The following GDF1 variants were observed in gnomAD, a reference collection of about 807,000 sequenced individuals.
The protein encoded by GDF1 is growth differentiation factor 1, also known as embryonic growth/differentiation factor 1.
In GDF1, 8 loss-of-function variants were observed where a neutral mutation model predicts 7.4. The observed-to-expected ratio is 1.09, with a 90% CI of 0.64 to 1.96. The LOEUF (loss-of-function observed/expected upper bound fraction) is 1.96, where lower values mean the gene tolerates loss of function less well. Ranked by LOEUF, GDF1 falls within the 30% of genes most tolerant of loss-of-function variation. The pLI is 0.00. For missense variants in GDF1, 574 were observed against 551.5 expected (o/e 1.04, Z -0.41); for synonymous variants, 311 against 276.7 (o/e 1.12, Z -1.23).
At chr19:18,885,912 C>G (rs1568302998) in intron 2 of GDF1, among the ~76,000 whole-genome samples, 1 of 152,198 alleles carries the variant, frequency 6.6e-6, no homozygotes, top group Non-Finnish European at 1.5e-5. Context: ...CCCACGGAGT[C>G]TTGCCATGCC....
In GDF1 at chr19:18,869,963, C is replaced by T. The variant is rs146219830; in HGVS notation, c.325+20G>A. The stretch of plus-strand genomic sequence containing the variant: ...GGTCTGGCCTCCAGGACCAGTGTCC[C>T]CAGCGAAAGCCCCACTCACCGCGGT... On this transcript the variant is annotated intron_variant, in intron 7 of 7. Coordinates refer to ENST00000247005, the MANE Select transcript of GDF1 (RefSeq NM_001492.6). 5.3e-3 allele frequency: 8,374 copies of T among 1,569,272 alleles called. 33 individuals are homozygous for T. Among genetic ancestry groups the T allele is most frequent in the Non-Finnish European group, 6.1e-3 (7,092 of 1,158,952 alleles).
chr19:18,880,439 G>T lies in GDF1; in HGVS notation c.-732-4C>A. ...AAGGATGCCCACATTGTGGTACCTG[G>T]GGGAGCAGCAGGCAGAGAGGAGAGG... On this transcript the variant is annotated splice_polypyrimidine_tract_variant and splice_region_variant and intron_variant, in intron 3 of 7. Transcript: ENST00000247005. 6.3e-7 allele frequency: 1 copy of T among 1,578,676 alleles called. No homozygotes were observed. The highest frequency in any genetic ancestry group is 1.2e-5 in the South Asian group (1 of 86,754).
chr19:18,886,268 G>C (rs1049703365), intron 2 of GDF1, among the ~76,000 whole-genome samples: 2 of 152,050 alleles, frequency 1.3e-5, no homozygotes, highest in African/African-American at 4.8e-5. Flanking sequence ...AATTAGCTGG[G>C]GCCGGGCGCA....
At chr19:18,886,864 CCA>C (rs1357058723) in intron 2 of GDF1, among the ~76,000 whole-genome samples, 5 of 152,200 alleles carry the variant, frequency 3.3e-5, no homozygotes, top group Non-Finnish European at 7.3e-5. Context: ...TTGGCCCATG[CCA>C]CCCCCACCCC....
intron 7 of GDF1, 98 bp from the exon 8 acceptor site, chr19:18,869,488 G>A (rs1017324676): frequency 1.4e-6 from 2 of 1,432,178 alleles, no homozygotes; most frequent in South Asian, 1.3e-5. Flanking sequence ...GCTGGGGCTC[G>A]GGGCGCACCG....
At chr19:18,869,833 G>C (rs1171346258) in intron 7 of GDF1, 150 bp downstream of exon 7, 2 of 729,832 alleles carry the variant, frequency 2.7e-6, no homozygotes, top group African/African-American at 1.7e-5. Context: ...GACGAGGAAA[G>C]GGTGAGGTGC....
Position 18,869,070 on chromosome 19 carries a change from C to A in GDF1, c.646G>T (p.Ala216Ser). 9.4e-7 allele frequency: 1 copy of A among 1,059,448 alleles called. No homozygotes were observed. The highest frequency in any genetic ancestry group is 1.1e-6 in the Non-Finnish European group (1 of 878,510). The allele number at this position is 1,059,448 out of a possible 1,614,324, so 65.6% of individuals were successfully genotyped here. A position where few individuals can be genotyped will look rare whatever the true frequency, so the allele number is the denominator to read the frequency against. Residue 216 changes from alanine (A) to serine (S), a missense_variant, in exon 8 of 8, where the codon GCG becomes TCG. Ala to Ser is a moderately conservative substitution (Grantham distance 99). Transcript: ENST00000247005. ...GGGGCCCGGGGGCGTAGCGCCAGCG[C>A]CAGGCGGAGGCTGCGCGGCCATGAG... ...NASWPRSLRL[A>S]LALRPRAPAA...
intron 2 of GDF1, among the ~76,000 whole-genome samples, chr19:18,888,554 G>T (rs1346727004): frequency 7.0e-6 from 1 of 143,682 alleles, no homozygotes; most frequent in Non-Finnish European, 1.5e-5. Context: ...AAACAGGCTA[G>T]GTGCGGTGGC....
chr19:18,890,338 G>A (rs531980499), intron 2 of GDF1, among the ~76,000 whole-genome samples: 1 of 152,306 alleles, frequency 6.6e-6, no homozygotes, highest in Admixed American at 6.5e-5. Context: ...GTACTGCACC[G>A]TCTGTTGCCC....
At chr19:18,887,960 A>G (rs1003623900) in intron 2 of GDF1, among the ~76,000 whole-genome samples, 17 of 151,708 alleles carry the variant, frequency 1.1e-4, no homozygotes, top group Admixed American at 5.3e-4. Context: ...TTCTGTCTCT[A>G]TGAGTGGGAT....
Position 18,880,434 on chromosome 19 carries a change from A to G in GDF1, c.-731T>C. 1 of 1,580,692 alleles carries G rather than the reference A, an allele frequency of 6.3e-7. No individual in the cohort carries two copies. Among genetic ancestry groups the G allele is most frequent in the East Asian group, 2.3e-5 (1 of 43,698 alleles). On this transcript the variant is annotated splice_region_variant and 5_prime_UTR_variant, in exon 4 of 8. Transcript: ENST00000247005. ...AGCACAAGGATGCCCACATTGTGGT[A>G]CCTGGGGGAGCAGCAGGCAGAGAGG... is the stretch of plus-strand genomic sequence containing the variant.
intron 6 of GDF1, among the ~76,000 whole-genome samples, chr19:18,873,351 A>AAGGAGGCCAGCC (rs1294124874): frequency 2.6e-5 from 4 of 151,672 alleles, no homozygotes; most frequent in Non-Finnish European, 5.9e-5. Flanking sequence ...CCCAGAAGAG[A>AAGGAGGCCAGCC]AGGAGGCCAG....
chr19:18,894,342 G>A (rs1399717834), intron 1 of GDF1, among the ~76,000 whole-genome samples: 2 of 152,032 alleles, frequency 1.3e-5, no homozygotes, highest in Non-Finnish European at 2.9e-5. Context: ...TGAGGGGGCC[G>A]GAGCCCAGAG....
intron 6 of GDF1, among the ~76,000 whole-genome samples, chr19:18,877,188 A>G (rs1237048587): frequency 6.6e-6 from 1 of 152,204 alleles, no homozygotes; most frequent in Non-Finnish European, 1.5e-5. Flanking sequence ...TACAGGGTGC[A>G]TGCTTTGCTG....
chr19:18,874,838 GGAA>G (rs1306181438), intron 6 of GDF1, among the ~76,000 whole-genome samples: 6 of 152,330 alleles, frequency 3.9e-5, no homozygotes, highest in African/African-American at 1.2e-4. Flanking sequence ...GATGGGGTGA[GGAA>G]GAGATCAAGC....
chr19:18,890,685 G>A (rs2056467298), intron 2 of GDF1, among the ~76,000 whole-genome samples: 1 of 151,838 alleles, frequency 6.6e-6, no homozygotes, highest in South Asian at 2.1e-4. Context: ...GAAGGCTGAG[G>A]TGGGATGATT....
Position 18,896,118 on chromosome 19 carries a change from T to G in GDF1, c.-1368A>C. ...GCCCGTCGCCTGCGCCCGCCCGCGG[T>G]AGCCGACGGAGCCGCGCGCCCCGCG... On this transcript the variant is annotated 5_prime_UTR_variant, in exon 1 of 8. Transcript: ENST00000247005. The surrounding 1 kb of genome is among the most constrained non-coding windows in gnomAD (Gnocchi z 5.9). The G allele has an allele frequency of 1.3e-6, 1 of 763,934 alleles. No homozygotes were observed. Among genetic ancestry groups the G allele is most frequent in the Non-Finnish European group, 1.6e-6 (1 of 631,270 alleles). The allele number at this position is 763,934 out of a possible 1,614,324, so 47.3% of individuals were successfully genotyped here. A position where few individuals can be genotyped will look rare whatever the true frequency, so the allele number is the denominator to read the frequency against.
rs749752973 is a variant in GDF1 at position 18,879,044 on chromosome 19, G to C, written c.-422-5C>G. ...GGCTGCAAACGCCACGATGTACTGC[G>C]AGAGGGGAGGGGAGGTGCCAGTGAG... On this transcript the variant is annotated splice_polypyrimidine_tract_variant and splice_region_variant and intron_variant, in intron 5 of 7. Coordinates refer to ENST00000247005, the MANE Select transcript of GDF1 (RefSeq NM_001492.6). 8 of 1,612,958 alleles carry C rather than the reference G, an allele frequency of 5.0e-6. No homozygotes were observed. The highest frequency in any genetic ancestry group is 8.5e-7 in the Non-Finnish European group (1 of 1,179,744).
In GDF1 at chr19:18,869,095, G is replaced by A. The variant is rs2055910581; in HGVS notation, c.621C>T (p.Ala207=). Residue 207 remains alanine (A), a synonymous_variant, in exon 8 of 8, where the codon GCC becomes GCT. Coordinates refer to ENST00000247005, the MANE Select transcript of GDF1 (RefSeq NM_001492.6). ...ELLGAAWARN[A]SWPRSLRLAL... The stretch of plus-strand genomic sequence containing the variant: ...CCAGGCGGAGGCTGCGCGGCCATGA[G>A]GCGTTGCGAGCCCAAGCGGCGCCCA... The A allele has an allele frequency of 1.2e-5, 13 of 1,077,012 alleles. No homozygotes were observed. The highest frequency in any genetic ancestry group is 1.5e-5 in the Non-Finnish European group (13 of 888,466). The allele number at this position is 1,077,012 out of a possible 1,614,324, so 66.7% of individuals were successfully genotyped here.
Sources: allele counts gnomAD v4.1 joint callset (sites outside exome capture counted in the v4.1 genomes callset), GRCh38; gene constraint gnomAD v4.1.1; non-coding constraint Gnocchi (gnomAD v3.1); transcripts MANE v1.5; gene names NCBI Gene and HGNC (gene_info 2026-07-23, HGNC 2026-07-21).